The following RAVER2 variants were observed in gnomAD, a reference collection of about 807,000 sequenced individuals.
RAVER2 encodes the protein ribonucleoprotein PTB-binding 2.
A neutral mutation model predicts 78.1 loss-of-function variants in RAVER2; 46 were observed. The ratio of observed to expected loss-of-function variants is 0.59; its 90% CI spans 0.46 to 0.75. RAVER2 has a LOEUF of 0.75. RAVER2 is among the 30% of genes least tolerant of loss of function. The pLI is 0.00. For missense variants in RAVER2, 793 were observed against 837.5 expected (o/e 0.95, Z 0.66); for synonymous variants, 311 against 313.3 (o/e 0.99, Z 0.08).
intron 2 of RAVER2, among the ~76,000 whole-genome samples, chr1:64,777,221 A>G (rs1652489677): frequency 6.6e-6 from 1 of 152,058 alleles, no homozygotes; most frequent in Non-Finnish European, 1.5e-5. Context: ...TTGTAACTTC[A>G]TTTTTATTTC....
At chr1:64,783,197 G>A (rs535020713) in intron 4 of RAVER2, among the ~76,000 whole-genome samples, 2 of 152,280 alleles carry the variant, frequency 1.3e-5, no homozygotes, top group African/African-American at 4.8e-5. Flanking sequence ...ATATATGTGT[G>A]CATGTGTCTT....
chr1:64,770,736 C>T (rs1171076247), intron 2 of RAVER2, among the ~76,000 whole-genome samples: 1 of 151,840 alleles, frequency 6.6e-6, no homozygotes, highest in Non-Finnish European at 1.5e-5. Context: ...TAAATAGAGA[C>T]TTGGAAGATA....
At chr1:64,798,056 A>G (rs1313132123) in intron 5 of RAVER2, among the ~76,000 whole-genome samples, 1 of 138,368 alleles carries the variant, frequency 7.2e-6, no homozygotes, top group Non-Finnish European at 1.6e-5. Context: ...TATATCTCCC[A>G]ATGCTATCCC....
chr1:64,748,456 C>A (rs541648383), intron 1 of RAVER2, among the ~76,000 whole-genome samples: 1 of 152,344 alleles, frequency 6.6e-6, no homozygotes, highest in Admixed American at 6.5e-5. Context: ...TCATAAAAAA[C>A]CAGCCTTTGG....
At chr1:64,770,871 G>T (rs1012319162) in intron 2 of RAVER2, among the ~76,000 whole-genome samples, 1 of 151,786 alleles carries the variant, frequency 6.6e-6, no homozygotes, top group Non-Finnish European at 1.5e-5. Context: ...AAACAATGAT[G>T]TAAGTGATCC....
At chr1:64,768,913 G>A (rs935594614) in intron 2 of RAVER2, among the ~76,000 whole-genome samples, 191 bp downstream of exon 2, 1 of 151,948 alleles carries the variant, frequency 6.6e-6, no homozygotes, top group Non-Finnish European at 1.5e-5. Flanking sequence ...TTGCATAAAT[G>A]AATATAGTGT....
chr1:64,812,603 T>G, intron 9 of RAVER2, 135 bp from the exon 10 acceptor site: 1 of 541,372 alleles, frequency 1.8e-6, no homozygotes, highest in South Asian at 3.1e-5. Flanking sequence ...AGGTGAAATG[T>G]GATAATTTTA....
intron 11 of RAVER2, among the ~76,000 whole-genome samples, chr1:64,821,688 A>G (rs928424040): frequency 6.6e-6 from 1 of 152,216 alleles, no homozygotes; most frequent in African/African-American, 2.4e-5. Flanking sequence ...TATTCGATAA[A>G]AGGTGCGGGG....
At chr1:64,752,747 A>G (rs183130147) in intron 1 of RAVER2, among the ~76,000 whole-genome samples, 51 of 152,294 alleles carry the variant, frequency 3.3e-4, no homozygotes, top group African/African-American at 1.2e-3. Flanking sequence ...CCATCAATAC[A>G]TGATAGCCCC....
intron 2 of RAVER2, among the ~76,000 whole-genome samples, chr1:64,774,286 T>C (rs1652402020): frequency 6.6e-6 from 1 of 152,238 alleles, no homozygotes; most frequent in South Asian, 2.1e-4. Context: ...GCCTAGGTTT[T>C]CTTCTAGGGT....
At chr1:64,808,770 T>C (rs755315033) in intron 9 of RAVER2, among the ~76,000 whole-genome samples, 5 of 152,164 alleles carry the variant, frequency 3.3e-5, no homozygotes, top group Admixed American at 2.0e-4. Flanking sequence ...CCGTCAATTC[T>C]TTATAGAATG....
exon 12 of RAVER2, chr1:64,832,386 T>C (rs774474506): frequency 2.0e-4 from 30 of 152,648 alleles, no homozygotes; most frequent in Non-Finnish European, 3.7e-4. Flanking sequence ...TGGACTATGA[T>C]GACTTTTGAC....
At chr1:64,750,511 A>G (rs1327711843) in intron 1 of RAVER2, among the ~76,000 whole-genome samples, 2 of 152,052 alleles carry the variant, frequency 1.3e-5, no homozygotes, top group East Asian at 1.9e-4. Context: ...CGGTCTCTCT[A>G]TGTTGCCCAG....
intron 5 of RAVER2, among the ~76,000 whole-genome samples, chr1:64,801,283 G>A (rs1570568388): frequency 6.6e-6 from 1 of 151,244 alleles, no homozygotes; most frequent in East Asian, 2.0e-4. Context: ...ATTTTTGGTA[G>A]AGATGGGGTT....
At chr1:64,808,455 CCTTTTTTT>C (rs1653506120) in intron 9 of RAVER2, among the ~76,000 whole-genome samples, 2 of 122,712 alleles carry the variant, frequency 1.6e-5, no homozygotes, top group Non-Finnish European at 3.5e-5. Flanking sequence ...CTAATGCAGT[CCTTTTTTT>C]TTTTTTTTTT....
chr1:64,798,440 G>T (rs1653162797), intron 5 of RAVER2, among the ~76,000 whole-genome samples: 1 of 149,632 alleles, frequency 6.7e-6, no homozygotes, highest in African/African-American at 2.5e-5. Context: ...TATATACCCA[G>T]TAATGGGATG....
intron 2 of RAVER2, among the ~76,000 whole-genome samples, chr1:64,771,729 A>G (rs1424622166): frequency 6.6e-6 from 1 of 152,078 alleles, no homozygotes; most frequent in Non-Finnish European, 1.5e-5. Flanking sequence ...ATTGACTGTG[A>G]TAAGTTAAAG....
At chr1:64,811,103 G>A (rs892076393) in intron 9 of RAVER2, among the ~76,000 whole-genome samples, 1 of 152,072 alleles carries the variant, frequency 6.6e-6, no homozygotes, top group African/African-American at 2.4e-5. Flanking sequence ...CATACTTACA[G>A]ACCGTACATG....
At chr1:64,817,364 A>G (rs1653780046) in intron 11 of RAVER2, among the ~76,000 whole-genome samples, 1 of 152,172 alleles carries the variant, frequency 6.6e-6, no homozygotes, top group Non-Finnish European at 1.5e-5. Context: ...AAGGATCTAG[A>G]ACTAGAAATA....
Sources: allele counts gnomAD v4.1 joint callset (sites outside exome capture counted in the v4.1 genomes callset), GRCh38; gene constraint gnomAD v4.1.1; transcripts MANE v1.5; gene names NCBI Gene and HGNC (gene_info 2026-07-23, HGNC 2026-07-21).